The following SH2D4B variants were observed in gnomAD, a reference collection of about 807,000 sequenced individuals.
SH2D4B encodes the protein SH2 domain-containing protein 4B.
SH2D4B carries 45 observed loss-of-function variants against 61.5 expected under a neutral mutation model. That is an observed-to-expected ratio of 0.73 (90% CI 0.58 to 0.94). SH2D4B has a LOEUF of 0.94. Ranked by LOEUF, SH2D4B falls within the 40% of genes least tolerant of loss-of-function variation. SH2D4B has a pLI of 0.00. For missense variants in SH2D4B, 572 were observed against 574.2 expected, an observed-to-expected ratio of 1.00 and a Z score of 0.04; for synonymous variants, 224 against 220.4, an observed-to-expected ratio of 1.02 and a Z score of -0.14.
chr10:80,630,370 T>C (rs1459222274), intron 6 of SH2D4B, among the ~76,000 whole-genome samples: 2 of 152,210 alleles, frequency 1.3e-5, no homozygotes, highest in African/African-American at 4.8e-5. Context: ...CCTGGGCTGC[T>C]TGCTCCCATG....
At chr10:80,602,854 A>C (rs770691848) in intron 4 of SH2D4B, among the ~76,000 whole-genome samples, 8 of 152,160 alleles carry the variant, frequency 5.3e-5, no homozygotes, top group Non-Finnish European at 7.3e-5. Context: ...CAGGGTTTTA[A>C]ATCGAAGGTA....
intron 3 of SH2D4B, among the ~76,000 whole-genome samples, chr10:80,577,963 ATT>A (rs11366486): frequency 4.0e-5 from 6 of 150,496 alleles, no homozygotes; most frequent in African/African-American, 4.9e-5. Context: ...GGCTTAGATA[ATT>A]TTTTTTCTTT....
chr10:80,585,908 G>A (rs898466306), intron 3 of SH2D4B, among the ~76,000 whole-genome samples: 1 of 152,018 alleles, frequency 6.6e-6, no homozygotes, highest in Non-Finnish European at 1.5e-5. Flanking sequence ...GGGGCTGCAC[G>A]TGGCGCTTGC....
At chr10:80,640,259 A>T (rs1047829837) in intron 7 of SH2D4B, among the ~76,000 whole-genome samples, 1 of 152,058 alleles carries the variant, frequency 6.6e-6, no homozygotes, top group Non-Finnish European at 1.5e-5. Flanking sequence ...TCTGACAATT[A>T]TGTGTCTTGG....
chr10:80,591,729 G>T (rs1400687626), intron 4 of SH2D4B, among the ~76,000 whole-genome samples: 2 of 152,050 alleles, frequency 1.3e-5, no homozygotes, highest in Non-Finnish European at 2.9e-5. Flanking sequence ...TGGAACTCCT[G>T]ACCTCAGGTG....
chr10:80,571,485 G>C lies in SH2D4B; in HGVS notation c.402G>C (p.Glu134Asp), dbSNP rs1279065112. Reference sequence around the variant, plus strand: ...AGTTCCGGGATGCTCTGGCCAATGAGAAAGCCCGGATCTTGGCGGAGAAGT... The same window carrying C: ...AGTTCCGGGATGCTCTGGCCAATGACAAAGCCCGGATCTTGGCGGAGAAGT... Reference protein sequence around the residue: ...TKKFRDALANEKARILAEKWK... With the variant: ...TKKFRDALANDKARILAEKWK... Residue 134 changes from glutamate to aspartate, a missense_variant, in exon 3 of 8, where the codon GAG becomes GAC. Coordinates refer to ENST00000646907, the MANE Select transcript of SH2D4B (RefSeq NM_001388272.1). The C allele has an allele frequency of 1.2e-6, 2 of 1,614,080 alleles. No individual in the cohort carries two copies. Among genetic ancestry groups the C allele is most frequent in the Non-Finnish European group, 1.7e-6 (2 of 1,180,034 alleles).
chr10:80,634,568 A>G, intron 7 of SH2D4B, 63 bp downstream of exon 7: 2 of 1,528,470 alleles, frequency 1.3e-6, no homozygotes, highest in South Asian at 2.5e-5. Flanking sequence ...AGCTGAAGAG[A>G]GAGCTAGAGC....
chr10:80,584,507 C>G (rs1300036176), intron 3 of SH2D4B, among the ~76,000 whole-genome samples: 1 of 152,142 alleles, frequency 6.6e-6, no homozygotes, highest in East Asian at 1.9e-4. Context: ...AAAAGGCTTC[C>G]ATACCTGTCA....
intron 7 of SH2D4B, among the ~76,000 whole-genome samples, chr10:80,639,792 A>T (rs2132166494): frequency 6.6e-6 from 1 of 152,232 alleles, no homozygotes; most frequent in Non-Finnish European, 1.5e-5. Context: ...TAAGGTTAAT[A>T]TTGTTATGTG....
chr10:80,642,353 A>G (rs1186953070), intron 7 of SH2D4B, among the ~76,000 whole-genome samples: 1 of 152,236 alleles, frequency 6.6e-6, no homozygotes, highest in Non-Finnish European at 1.5e-5. Context: ...GGTCCCTAGA[A>G]TGAGGCTGCT....
rs559344508 is a variant in SH2D4B, at chr10:80,591,439, C to T, written c.643+2662C>T. Among the ~76,000 whole-genome samples, 43 of 150,442 alleles carry T rather than the reference C, an allele frequency of 2.9e-4. No homozygotes were observed. The South Asian group carries it at 8.4e-3, about 30-fold the overall frequency. ...AAGGGCCTTCTTGCTAGTGGCGACTCTTCAGAGTCCCGAGGCAGTGGAAGG... is the reference window on the plus strand; with the variant it reads ...AAGGGCCTTCTTGCTAGTGGCGACTTTTCAGAGTCCCGAGGCAGTGGAAGG... On this transcript the variant is annotated intron_variant, in intron 4 of 7. Coordinates refer to ENST00000646907, the MANE Select transcript of SH2D4B (RefSeq NM_001388272.1).
intron 6 of SH2D4B, among the ~76,000 whole-genome samples, chr10:80,625,817 G>T (rs1564528817): frequency 6.6e-6 from 1 of 151,682 alleles, no homozygotes; most frequent in Non-Finnish European, 1.5e-5. Flanking sequence ...CAAGTGATCT[G>T]CCCACCTCAG....
chr10:80,558,649 T>G (rs1841867757), intron 1 of SH2D4B, among the ~76,000 whole-genome samples: 1 of 152,052 alleles, frequency 6.6e-6, no homozygotes, highest in African/African-American at 2.4e-5. Context: ...ACCCAGCTAA[T>G]TTTTGTTTTT....
intron 6 of SH2D4B, among the ~76,000 whole-genome samples, chr10:80,624,114 C>G (rs1842747203): frequency 6.6e-6 from 1 of 152,168 alleles, no homozygotes; most frequent in Non-Finnish European, 1.5e-5. Flanking sequence ...TGGCAGAACT[C>G]CTGGATCCCC....
intron 6 of SH2D4B, among the ~76,000 whole-genome samples, chr10:80,619,847 GGATCTACCCA>G (rs1842698977): frequency 6.6e-6 from 1 of 152,202 alleles, no homozygotes; most frequent in Non-Finnish European, 1.5e-5. Flanking sequence ...CCTTGGGGAT[GGATCTACCCA>G]AACTGAAAAG....
chr10:80,557,059 G>A (rs1188846158), intron 1 of SH2D4B, among the ~76,000 whole-genome samples: 7 of 152,030 alleles, frequency 4.6e-5, no homozygotes, highest in Non-Finnish European at 1.0e-4. Flanking sequence ...TCAGAGTGAG[G>A]AACTACCCTC....
At chr10:80,596,122 T>C (rs1842382068) in intron 4 of SH2D4B, among the ~76,000 whole-genome samples, 1 of 152,202 alleles carries the variant, frequency 6.6e-6, no homozygotes, top group Non-Finnish European at 1.5e-5. Context: ...AAATGCAACA[T>C]TGTGGTCAAA....
intron 5 of SH2D4B, among the ~76,000 whole-genome samples, chr10:80,605,742 C>A (rs955518631): frequency 6.6e-6 from 1 of 152,202 alleles, no homozygotes; most frequent in African/African-American, 2.4e-5. Context: ...TGGTCTCGAA[C>A]TCCTGACCTC....
At chr10:80,618,064 T>C (rs1364124155) in intron 6 of SH2D4B, among the ~76,000 whole-genome samples, 1 of 152,090 alleles carries the variant, frequency 6.6e-6, no homozygotes. Context: ...AGACTGAGAG[T>C]ACGTGGCGTC....
Sources: gnomAD v4.1 joint callset for allele counts (sites outside exome capture counted in the v4.1 genomes callset) on GRCh38, gnomAD v4.1.1 for gene constraint, MANE v1.5 for transcripts, NCBI Gene and HGNC (gene_info 2026-07-23, HGNC 2026-07-21) for gene names.